The following PRKAA2 variants were observed in gnomAD, a reference collection of about 807,000 sequenced individuals.
PRKAA2 encodes 5'-AMP-activated protein kinase catalytic subunit alpha-2.
In PRKAA2, 40 loss-of-function variants were observed where a neutral mutation model predicts 56.3. That is an observed-to-expected ratio of 0.71 (90% CI 0.55 to 0.92). The LOEUF (loss-of-function observed/expected upper bound fraction) is 0.92. Ranked by LOEUF, PRKAA2 falls within the 40% of genes least tolerant of loss-of-function variation. The probability of loss-of-function intolerance (pLI) is 0.00; values close to 1 mark genes in which losing one functional copy is unlikely to be tolerated. For missense variants in PRKAA2, 542 were observed against 686.9 expected (o/e 0.79, Z 2.36); for synonymous variants, 214 against 234.2 (o/e 0.91, Z 0.79).
intron 2 of PRKAA2, among the ~76,000 whole-genome samples, chr1:56,686,225 T>C (rs2100418073): frequency 6.6e-6 from 1 of 152,346 alleles, no homozygotes; most frequent in South Asian, 2.1e-4. Context: ...GAAATGTATA[T>C]GGTGTTTTGC....
chr1:56,699,231 T>G (rs1644278333), intron 6 of PRKAA2, among the ~76,000 whole-genome samples: 1 of 152,184 alleles, frequency 6.6e-6, no homozygotes, highest in South Asian at 2.1e-4. Flanking sequence ...TTTGAAAACC[T>G]TTTAGCTGCA....
chr1:56,684,583 C>CT (rs1044757903), intron 2 of PRKAA2, among the ~76,000 whole-genome samples: 2 of 152,106 alleles, frequency 1.3e-5, no homozygotes, highest in African/African-American at 4.8e-5. Flanking sequence ...AATCGGGTAT[C>CT]TTGAAGCCAA....
chr1:56,704,044 A>G lies in PRKAA2; in HGVS notation c.862A>G (p.Ile288Val). 6.2e-7 allele frequency: 1 copy of G among 1,614,074 alleles called. No individual in the cohort carries two copies. The highest frequency in any genetic ancestry group is 8.5e-7 in the Non-Finnish European group (1 of 1,179,922). Residue 288 changes from isoleucine (I) to valine (V), a missense_variant, in exon 7 of 9, where the codon ATT (isoleucine) becomes GTT (valine). Physicochemically the swap from Ile to Val is conservative, Grantham distance 29 (BLOSUM62 3). Coordinates refer to ENST00000371244, the MANE Select transcript of PRKAA2 (RefSeq NM_006252.4). ...PEDPSYDANV[I>V]DDEAVKEVCE... ...AGACCCTTCCTATGATGCTAACGTC[A>G]TTGATGATGAGGCTGTGAAAGAAGT...
intron 1 of PRKAA2, among the ~76,000 whole-genome samples, chr1:56,650,593 G>A (rs1439490253): frequency 6.6e-6 from 1 of 152,100 alleles, no homozygotes; most frequent in Non-Finnish European, 1.5e-5. Context: ...TTAAAAAGAA[G>A]CCTGCATTTT....
intron 1 of PRKAA2, among the ~76,000 whole-genome samples, chr1:56,647,928 T>C (rs1251772452): frequency 2.0e-5 from 3 of 150,174 alleles, no homozygotes; most frequent in African/African-American, 4.9e-5. Flanking sequence ...TACTGAGGAG[T>C]CTGAGGCAGG....
rs1569783334 is a variant in PRKAA2, at chr1:56,696,298, C to G, written c.788+139C>G. On this transcript the variant is annotated intron_variant, in intron 6 of 8. Transcript: ENST00000371244. ...ATGCTTCAGCCACATTGAACTTGTC[C>G]TTGTTTCTCAAACCTAACATAGATT... 12 of 716,830 alleles carry G rather than the reference C, an allele frequency of 1.7e-5. No homozygotes were observed. In the South Asian group the frequency reaches 2.5e-4, roughly 15 times the overall value. The allele number at this position is 716,830 out of a possible 1,614,324, so 44.4% of individuals were successfully genotyped here. A position where few individuals can be genotyped will look rare whatever the true frequency, so the allele number is the denominator to read the frequency against.
At chr1:56,649,594 A>G (rs1448867283) in intron 1 of PRKAA2, among the ~76,000 whole-genome samples, 2 of 152,196 alleles carry the variant, frequency 1.3e-5, no homozygotes, top group African/African-American at 4.8e-5. Flanking sequence ...ATGGAAATGG[A>G]GAAGTAAGGA....
chr1:56,655,022 T>A (rs1003087284), intron 1 of PRKAA2, among the ~76,000 whole-genome samples: 2 of 151,592 alleles, frequency 1.3e-5, no homozygotes, highest in Non-Finnish European at 2.9e-5. Context: ...TTCTTCAGAT[T>A]ATATATACTA....
At chr1:56,647,956 A>G (rs1241404274) in intron 1 of PRKAA2, among the ~76,000 whole-genome samples, 1 of 151,332 alleles carries the variant, frequency 6.6e-6, no homozygotes, top group Non-Finnish European at 1.5e-5. Context: ...CTTGGACCCG[A>G]GAGGCAGAGG....
Position 56,708,776 on chromosome 1 carries a change from TC to T in PRKAA2, c.*1065del, listed in dbSNP as rs1644350321. The T allele has an allele frequency of 6.6e-6, 1 of 152,300 alleles. No homozygotes were observed. Among genetic ancestry groups the T allele is most frequent in the East Asian group, 1.9e-4 (1 of 5,180 alleles). The allele number at this position is 152,300 out of a possible 1,614,324, so 9.4% of individuals were successfully genotyped here. The stretch of plus-strand genomic sequence containing the variant: ...TGATATAGCTTTGAATCTTTTCTAG[TC>T]CAAGTTTGAAAACACTGTTCTGGCC... On this transcript the variant is annotated 3_prime_UTR_variant, in exon 9 of 9. Transcript: ENST00000371244.
chr1:56,670,109 C>A (rs1644064502), intron 1 of PRKAA2, among the ~76,000 whole-genome samples: 1 of 152,014 alleles, frequency 6.6e-6, no homozygotes, highest in Admixed American at 6.6e-5. Flanking sequence ...CTTTTTAATC[C>A]AAAAAATTGT....
intron 2 of PRKAA2, among the ~76,000 whole-genome samples, chr1:56,682,647 A>AC (rs1392692573): frequency 3.3e-5 from 5 of 152,156 alleles, no homozygotes; most frequent in African/African-American, 1.2e-4. Flanking sequence ...GAGTTGGAGA[A>AC]GTAACATGAT....
At chr1:56,689,889 G>GACAGACAGACACACACACAC (rs1644215406) in intron 2 of PRKAA2, among the ~76,000 whole-genome samples, 1 of 62,384 alleles carries the variant, frequency 1.6e-5, no homozygotes, top group African/African-American at 6.9e-5. Flanking sequence ...TAGAAACACA[G>GACAGACAGACACACACACAC]ACACACAGAC....
At chr1:56,645,746 C>A (rs1288369682) in intron 1 of PRKAA2, among the ~76,000 whole-genome samples, 2 of 152,228 alleles carry the variant, frequency 1.3e-5, no homozygotes, top group East Asian at 3.9e-4. Context: ...GCCCATCTGC[C>A]TTTCTGGAGG....
At chr1:56,680,667 G>A (rs7367933) in intron 2 of PRKAA2, among the ~76,000 whole-genome samples, 67,258 of 151,474 alleles carry the variant, frequency 0.44, 15,426 homozygotes, top group East Asian at 0.59. Flanking sequence ...CTTCATCCAT[G>A]TCCCTACAAA....
intron 5 of PRKAA2, among the ~76,000 whole-genome samples, chr1:56,694,885 T>G (rs1262241919): frequency 6.6e-6 from 1 of 152,110 alleles, no homozygotes; most frequent in African/African-American, 2.4e-5. Flanking sequence ...ATAAACAGAT[T>G]ATATTCTTTT....
intron 6 of PRKAA2, among the ~76,000 whole-genome samples, chr1:56,699,523 A>G (rs1461667945): frequency 6.6e-6 from 1 of 152,218 alleles, no homozygotes; most frequent in African/African-American, 2.4e-5. Flanking sequence ...ATTACAAACA[A>G]TTATGGCCAT....
intron 1 of PRKAA2, among the ~76,000 whole-genome samples, chr1:56,647,718 T>TG (rs567191480): frequency 1.9e-5 from 1 of 51,780 alleles, no homozygotes; most frequent in Non-Finnish European, 4.1e-5. Context: ...AAAAGTCATG[T>TG]TTTTTTTTTT....
chr1:56,690,407 G>C (rs1644221501), intron 2 of PRKAA2, among the ~76,000 whole-genome samples: 1 of 152,156 alleles, frequency 6.6e-6, no homozygotes, highest in African/African-American at 2.4e-5. Flanking sequence ...CTGACCTTGT[G>C]ATCTGTCCGC....
Sources: gnomAD v4.1 joint callset for allele counts (sites outside exome capture counted in the v4.1 genomes callset) on GRCh38, gnomAD v4.1.1 for gene constraint, MANE v1.5 for transcripts, NCBI Gene and HGNC (gene_info 2026-07-23, HGNC 2026-07-21) for gene names.